Variants in RNF216 observed in about 807,000 individuals in gnomAD.
RNF216 encodes the protein ring finger protein 216.
RNF216 carries 72 observed loss-of-function variants against 110.8 expected under a neutral mutation model. The observed-to-expected ratio is 0.65, with a 90% confidence interval of 0.54 to 0.79. The LOEUF (loss-of-function observed/expected upper bound fraction) is 0.79. Ranked by LOEUF, RNF216 falls within the 30% of genes least tolerant of loss-of-function variation. The pLI is 0.00. For missense variants in RNF216, 1,342 were observed against 1,141.2 expected, an observed-to-expected ratio of 1.18 and a Z score of -2.54; for synonymous variants, 495 against 407.5, an observed-to-expected ratio of 1.21 and a Z score of -2.59.
Position 5,684,094 on chromosome 7 carries a change from C to CTTTTTT in RNF216, c.2061+27661_2061+27666dup, listed in dbSNP as rs10608511. ...CCAGTGTTTCCACAAGCTGGGCCTTCTTTTTTTTTTTTTTTTTTTTTTTTT... is the reference window on the plus strand; with the variant it reads ...CCAGTGTTTCCACAAGCTGGGCCTTCTTTTTTTTTTTTTTTTTTTTTTTTTTTTTTT... On this transcript the variant is annotated intron_variant, in intron 13 of 16. Transcript: ENST00000389902. 3.4e-4 allele frequency among the ~76,000 whole-genome samples: 21 copies of CTTTTTT among 61,844 alleles called. 2 individuals are homozygous for CTTTTTT. The East Asian group carries it at 9.2e-3, about 27-fold the overall frequency. The allele number at this position is 61,844 out of a possible 152,430, so 40.6% of individuals were successfully genotyped here. A position where few individuals can be genotyped will look rare whatever the true frequency, so the allele number is the denominator to read the frequency against.
intron 13 of RNF216, among the ~76,000 whole-genome samples, chr7:5,688,157 G>A (rs953643647): frequency 6.6e-5 from 10 of 152,316 alleles, no homozygotes; most frequent in Non-Finnish European, 1.3e-4. Flanking sequence ...AGGCTTTCAC[G>A]CACAGAACTG....
chr7:5,762,616 C>A (rs1484542032), intron 1 of RNF216, among the ~76,000 whole-genome samples: 1 of 151,566 alleles, frequency 6.6e-6, no homozygotes, highest in East Asian at 1.9e-4. Flanking sequence ...GGCATGAACC[C>A]GGGAGGCAGA....
At chr7:5,723,503 C>G (rs146383694) in intron 8 of RNF216, among the ~76,000 whole-genome samples, 1 of 151,782 alleles carries the variant, frequency 6.6e-6, no homozygotes, top group African/African-American at 2.4e-5. Context: ...AAAAATTAGC[C>G]GGACTCGGTG....
rs995693587 is a variant in RNF216 at position 5,682,767 on chromosome 7, T to C, written c.2061+28994A>G. ...GTTAGAATAATCATGTGCAACACTT[T>C]TGGAAAGAAATTTGAAACTGTGCTC... On this transcript the variant is annotated intron_variant, in intron 13 of 16. Transcript: ENST00000389902. Among the ~76,000 whole-genome samples the C allele has an allele frequency of 3.3e-5, 5 of 152,324 alleles. No homozygotes were observed. In the East Asian group the frequency reaches 5.8e-4, roughly 18 times the overall value.
At chr7:5,765,322 T>C (rs1464637930) in intron 1 of RNF216, among the ~76,000 whole-genome samples, 2 of 151,276 alleles carry the variant, frequency 1.3e-5, no homozygotes, top group East Asian at 3.9e-4. Flanking sequence ...TAGCTGGGTG[T>C]GGTAGCAGGT....
intron 3 of RNF216, among the ~76,000 whole-genome samples, chr7:5,749,998 T>C (rs1015702059): frequency 3.9e-5 from 6 of 152,234 alleles, no homozygotes; most frequent in Admixed American, 3.9e-4. Context: ...TATACTTTTA[T>C]AATAAAAATA....
Position 5,726,623 on chromosome 7 carries a change from C to T in RNF216, c.1390-1185G>A, listed in dbSNP as rs184063882. On this transcript the variant is annotated intron_variant, in intron 7 of 16. Coordinates refer to ENST00000389902, the MANE Select transcript of RNF216 (RefSeq NM_207111.4). ...CTGTAATCCCAGCACTTTGGGAGGC[C>T]GAGGCAGGTGGATCACCTGAGGTCA... Among the ~76,000 whole-genome samples the T allele has an allele frequency of 8.3e-4, 126 of 152,026 alleles. 2 individuals are homozygous for T. The Middle Eastern group carries it at 0.014, about 17-fold the overall frequency.
chr7:5,677,228 C>A (rs1327648163), intron 13 of RNF216, among the ~76,000 whole-genome samples: 1 of 152,210 alleles, frequency 6.6e-6, no homozygotes. Flanking sequence ...TCAGCACGTG[C>A]TTCTGCAACA....
intron 5 of RNF216, among the ~76,000 whole-genome samples, chr7:5,738,448 C>A (rs186292799): frequency 0.015 from 2,281 of 152,090 alleles, 53 homozygotes; most frequent in African/African-American, 0.053. Flanking sequence ...GTGGCTCACA[C>A]CTGTAATCCC....
rs946356777 is a variant in RNF216, at chr7:5,663,770, C to T, written c.2062-11260G>A. 3.3e-5 allele frequency among the ~76,000 whole-genome samples: 5 copies of T among 151,600 alleles called. No individual in the cohort carries two copies. In the South Asian group the frequency reaches 8.3e-4, roughly 25 times the overall value. ...AAAATTAGCCGGGTGTGGTGGCGCA[C>T]GCCTGTAGTCCCAGCTACTCAGGAG... On this transcript the variant is annotated intron_variant, in intron 13 of 16. Transcript: ENST00000389902.
intron 15 of RNF216, among the ~76,000 whole-genome samples, chr7:5,639,541 G>A (rs772314921): frequency 3.3e-5 from 5 of 151,838 alleles, no homozygotes; most frequent in Non-Finnish European, 7.4e-5. Context: ...TCAGCTCACT[G>A]CAACCTCCGC....
At position 5,628,829 on chromosome 7, in the gene RNF216, T is replaced by C. The variant is rs150965109; in HGVS notation, c.2383-4704A>G. On this transcript the variant is annotated intron_variant, in intron 15 of 16. Coordinates refer to ENST00000389902, the MANE Select transcript of RNF216 (RefSeq NM_207111.4). ...TGAGCCATCACACCCAGCTGGAAGA[T>C]TTCTTTCTTAATTTGGGGAGGAAGT... is the stretch of plus-strand genomic sequence containing the variant. Among the ~76,000 whole-genome samples the C allele has an allele frequency of 1.1e-3, 161 of 152,248 alleles. 1 individual carries two copies. Among genetic ancestry groups the C allele is most frequent in the African/African-American group, 3.8e-3 (158 of 41,552 alleles).
At position 5,752,876 on chromosome 7, in the gene RNF216, CTCT is replaced by C. The variant is rs1562462440; in HGVS notation, c.168_170del (p.Glu57del). The C allele has an allele frequency of 6.2e-7, 1 of 1,612,578 alleles. No individual in the cohort carries two copies. The highest frequency in any genetic ancestry group is 1.7e-5 in the Admixed American group (1 of 59,802). On this transcript the variant is annotated inframe_deletion, in exon 3 of 17. Coordinates refer to ENST00000389902, the MANE Select transcript of RNF216 (RefSeq NM_207111.4). ...TCAGGATGACATCATCATCCAGGTC[CTCT>C]TCTTCATGCTGCTGAGGAGCTGGGG...
intron 15 of RNF216, among the ~76,000 whole-genome samples, chr7:5,631,908 G>C (rs1214381507): frequency 6.6e-6 from 1 of 152,166 alleles, no homozygotes; most frequent in Non-Finnish European, 1.5e-5. Flanking sequence ...TGCCTTGTAC[G>C]GATTGCTTAG....
intron 7 of RNF216, 78 bp downstream of exon 7, chr7:5,729,354 A>G (rs1423915872): frequency 1.4e-6 from 2 of 1,438,734 alleles, no homozygotes; most frequent in African/African-American, 1.4e-5. Context: ...AATTTCCACA[A>G]GCTGAACTGT....
intron 3 of RNF216, among the ~76,000 whole-genome samples, chr7:5,744,754 C>T (rs1794945945): frequency 1.3e-5 from 2 of 152,148 alleles, no homozygotes; most frequent in South Asian, 4.1e-4. Context: ...AGATGGATCA[C>T]CTGAGGTCAG....
chr7:5,671,758 T>A (rs1193932424), intron 13 of RNF216, among the ~76,000 whole-genome samples: 1 of 140,606 alleles, frequency 7.1e-6, no homozygotes. Flanking sequence ...TGAGCCGAGA[T>A]TGTGCCACTG....
chr7:5,646,137 TA>T (rs1163520069), intron 14 of RNF216, among the ~76,000 whole-genome samples: 2 of 152,240 alleles, frequency 1.3e-5, no homozygotes, highest in Admixed American at 6.5e-5. Context: ...TTTTGAATAT[TA>T]TACTGAGAAG....
chr7:5,734,877 A>G (rs919738293), intron 5 of RNF216, among the ~76,000 whole-genome samples: 1 of 112,882 alleles, frequency 8.9e-6, no homozygotes, highest in African/African-American at 2.8e-5. Context: ...AAAGGTTTGC[A>G]GGGCATGGTG....
Sources: gnomAD v4.1 joint callset for allele counts (sites outside exome capture counted in the v4.1 genomes callset) on GRCh38, gnomAD v4.1.1 for gene constraint, MANE v1.5 for transcripts, NCBI Gene and HGNC (gene_info 2026-07-23, HGNC 2026-07-21) for gene names.